Variants in LEO1 observed in about 807,000 individuals in gnomAD.
LEO1 encodes the protein LEO1 component of Paf1/RNA polymerase II complex.
Under a neutral mutation model 80.4 loss-of-function variants are expected in LEO1, and 34 were observed. That is an observed-to-expected ratio of 0.42 (90% CI 0.32 to 0.56). The LOEUF (loss-of-function observed/expected upper bound fraction) is 0.56, where lower values mean the gene tolerates loss of function less well. Ranked by LOEUF, LEO1 falls within the 20% of genes least tolerant of loss-of-function variation. LEO1 has a pLI of 0.10. For missense variants in LEO1, 631 were observed against 814.2 expected, an observed-to-expected ratio of 0.77 and a Z score of 2.74; for synonymous variants, 262 against 274.9, an observed-to-expected ratio of 0.95 and a Z score of 0.46.
intron 11 of LEO1, among the ~76,000 whole-genome samples, chr15:51,942,698 G>A (rs1040694751): frequency 6.6e-6 from 1 of 151,980 alleles, no homozygotes; most frequent in Non-Finnish European, 1.5e-5. Flanking sequence ...GAGGTGGGTG[G>A]ATCACCTGAT....
In LEO1 at chr15:51,971,774, T is replaced by C. The variant is rs759053288; in HGVS notation, c.-29A>G. The C allele has an allele frequency of 7.6e-5, 122 of 1,610,682 alleles. No individual in the cohort carries two copies. The highest frequency in any genetic ancestry group is 1.0e-4 in the Non-Finnish European group (120 of 1,177,010). Reference sequence around the variant, plus strand: ...CGCTCACGTCCGCTGCTGCCTCGGTTAGGGGCAGCTCCCGGCCTCTCTTTA... The same window carrying C: ...CGCTCACGTCCGCTGCTGCCTCGGTCAGGGGCAGCTCCCGGCCTCTCTTTA... On this transcript the variant is annotated 5_prime_UTR_variant, in exon 1 of 12. Transcript: ENST00000299601.
At chr15:51,964,937 C>G (rs1481097570) in intron 2 of LEO1, among the ~76,000 whole-genome samples, 1 of 152,126 alleles carries the variant, frequency 6.6e-6, no homozygotes, top group African/African-American at 2.4e-5. Context: ...GGTCCAGGAA[C>G]CAAAGTTCAG....
At chr15:51,941,030 G>A (rs1268128255) in intron 11 of LEO1, among the ~76,000 whole-genome samples, 3 of 151,722 alleles carry the variant, frequency 2.0e-5, no homozygotes, top group African/African-American at 7.3e-5. Context: ...CTGAGATCGC[G>A]GCGCTGCACT....
intron 11 of LEO1, among the ~76,000 whole-genome samples, chr15:51,938,958 G>A (rs1215327234): frequency 6.6e-6 from 1 of 152,206 alleles, no homozygotes; most frequent in Non-Finnish European, 1.5e-5. Flanking sequence ...GCCAAAGGGG[G>A]TGGATCACCT....
intron 6 of LEO1, among the ~76,000 whole-genome samples, chr15:51,957,979 C>T (rs896139101): frequency 3.9e-5 from 6 of 152,124 alleles, no homozygotes; most frequent in Middle Eastern, 3.4e-3. Context: ...TGAGATCATG[C>T]CACTGCCCTC....
At chr15:51,947,423 T>C (rs2056911622) in intron 10 of LEO1, 34 bp from the exon 11 acceptor site, 1 of 1,467,310 alleles carries the variant, frequency 6.8e-7, no homozygotes, top group Non-Finnish European at 9.4e-7. Flanking sequence ...GAGTCACCTT[T>C]TTTTTTTTCT....
At chr15:51,967,543 G>T (rs1403859772) in intron 1 of LEO1, among the ~76,000 whole-genome samples, 2 of 152,172 alleles carry the variant, frequency 1.3e-5, no homozygotes, top group Non-Finnish European at 2.9e-5. Context: ...CATCCAACAA[G>T]TTCAACAAAT....
At chr15:51,939,846 G>A (rs1240921739) in intron 11 of LEO1, among the ~76,000 whole-genome samples, 3 of 152,174 alleles carry the variant, frequency 2.0e-5, no homozygotes, top group Admixed American at 2.0e-4. Flanking sequence ...CTGTCCTAAA[G>A]GCCCCTGGAC....
At chr15:51,961,444 C>A (rs1251086654) in intron 3 of LEO1, among the ~76,000 whole-genome samples, 1 of 151,966 alleles carries the variant, frequency 6.6e-6, no homozygotes, top group Non-Finnish European at 1.5e-5. Flanking sequence ...TCAGGCTGGA[C>A]TGCAGTGGTG....
intron 6 of LEO1, among the ~76,000 whole-genome samples, chr15:51,958,514 C>T (rs2570272): frequency 0.033 from 5,051 of 152,182 alleles, 273 homozygotes; most frequent in African/African-American, 0.12. Context: ...AGATTAGAGG[C>T]CCTCCTTTGA....
In LEO1 at chr15:51,947,409, T is replaced by G. The variant is rs761893151; in HGVS notation, c.1799-20A>C. On this transcript the variant is annotated intron_variant, in intron 10 of 11. Coordinates refer to ENST00000299601, the MANE Select transcript of LEO1 (RefSeq NM_138792.4). The stretch of plus-strand genomic sequence containing the variant: ...GTTCCTCTGAAAGCAAAAGTACAGA[T>G]TGTGAGTCACCTTTTTTTTTTTCTG... The G allele has an allele frequency of 6.4e-7, 1 of 1,552,056 alleles. No homozygotes were observed. Among genetic ancestry groups the G allele is most frequent in the Admixed American group, 1.8e-5 (1 of 56,302 alleles).
chr15:51,962,400 T>C lies in LEO1; in HGVS notation c.908A>G (p.Glu303Gly), dbSNP rs1206093628. ...AATAATAGGGATACCTTTTGGCACCTCAGTGTCACTATCCGCTTCTGAATC... is the reference window on the plus strand; with the variant it reads ...AATAATAGGGATACCTTTTGGCACCCCAGTGTCACTATCCGCTTCTGAATC... ...ASDSEADSDT[E>G]VPKDNSGTMD... Residue 303 changes from glutamate to glycine, a missense_variant, in exon 3 of 12, where the codon GAG becomes GGG. Physicochemically the swap from Glu to Gly is moderately conservative, Grantham distance 98 (BLOSUM62 -2). Around this residue, in one of 4 missense-constraint regions of LEO1, gnomAD observed 394 missense variants for 395.6 expected, o/e 1.00. Coordinates refer to ENST00000299601, the MANE Select transcript of LEO1 (RefSeq NM_138792.4). 3.1e-6 allele frequency: 5 copies of C among 1,609,214 alleles called. No homozygotes were observed. In the African/African-American group the frequency reaches 6.7e-5, roughly 22 times the overall value.
At chr15:51,960,611 A>T in intron 4 of LEO1, 28 bp downstream of exon 4, 5 of 1,295,850 alleles carry the variant, frequency 3.9e-6, no homozygotes, top group Non-Finnish European at 5.6e-6. Context: ...CCTGGCCTTG[A>T]ATAAGTTCAT....
rs1407764524 is a variant in LEO1, at chr15:51,966,445, C to A, written c.118G>T (p.Ala40Ser). Reference sequence around the variant, plus strand: ...TCCTGATCACTTTCACTTCCAGAGGCATTACTGCCAGAGGCAGCATTCTCT... The same window carrying A: ...TCCTGATCACTTTCACTTCCAGAGGAATTACTGCCAGAGGCAGCATTCTCT... ...DQENAASGSNASGSESDQDER... is the reference protein window; with the variant it reads ...DQENAASGSNSSGSESDQDER... Residue 40 changes from alanine (A) to serine (S), a missense_variant, in exon 2 of 12, where the codon GCC becomes TCC. Around this residue, in one of 4 missense-constraint regions of LEO1, gnomAD observed 394 missense variants for 395.6 expected, o/e 1.00. Coordinates refer to ENST00000299601, the MANE Select transcript of LEO1 (RefSeq NM_138792.4). 3 of 1,613,750 alleles carry A rather than the reference C, an allele frequency of 1.9e-6. No homozygotes were observed. Among genetic ancestry groups the A allele is most frequent in the South Asian group, 1.1e-5 (1 of 91,012 alleles).
At chr15:51,967,822 T>C (rs1462625599) in intron 1 of LEO1, among the ~76,000 whole-genome samples, 1 of 152,218 alleles carries the variant, frequency 6.6e-6, no homozygotes, top group East Asian at 1.9e-4. Context: ...TAAGACGATA[T>C]GGAAGACAAA....
chr15:51,945,215 G>A (rs575512889), intron 11 of LEO1, among the ~76,000 whole-genome samples: 2 of 146,206 alleles, frequency 1.4e-5, no homozygotes, highest in Admixed American at 7.1e-5. Context: ...CCATGAATTC[G>A]GGACCAGCCT....
chr15:51,940,497 G>C (rs2056841535), intron 11 of LEO1, among the ~76,000 whole-genome samples: 1 of 151,508 alleles, frequency 6.6e-6, no homozygotes, highest in Non-Finnish European at 1.5e-5. Flanking sequence ...GGAGATGGAG[G>C]TTGCAGTGAG....
At position 51,944,085 on chromosome 15, in the gene LEO1, A is replaced by C. The variant is rs143844691; in HGVS notation, c.1896+3207T>G. 1.4e-3 allele frequency among the ~76,000 whole-genome samples: 214 copies of C among 152,348 alleles called. 11 individuals are homozygous for C. Among genetic ancestry groups the C allele is most frequent in the East Asian group, 9.5e-3 (49 of 5,184 alleles). On this transcript the variant is annotated intron_variant, in intron 11 of 11. Coordinates refer to ENST00000299601, the MANE Select transcript of LEO1 (RefSeq NM_138792.4). ...GAAAACTTCCCAGATTTGTTGAAAAACATTACCCTACACATCCAAGAAACT... is the reference window on the plus strand; with the variant it reads ...GAAAACTTCCCAGATTTGTTGAAAACCATTACCCTACACATCCAAGAAACT...
Position 51,966,515 on chromosome 15 carries a change from A to G in LEO1, c.59-11T>C. The G allele has an allele frequency of 6.8e-7, 1 of 1,475,274 alleles. No homozygotes were observed. Among genetic ancestry groups the G allele is most frequent in the Non-Finnish European group, 9.4e-7 (1 of 1,064,226 alleles). 91.4% of individuals were successfully genotyped at this position (1,475,274 alleles called of 1,614,324 possible). Reference sequence around the variant, plus strand: ...ATCCAGAATCAGAATCTATGGGGTCATATAAACATAGGATAACATAAGCAA... The same window carrying G: ...ATCCAGAATCAGAATCTATGGGGTCGTATAAACATAGGATAACATAAGCAA... On this transcript the variant is annotated splice_polypyrimidine_tract_variant and intron_variant, in intron 1 of 11. Transcript: ENST00000299601.
Sources: gnomAD v4.1 joint callset for allele counts (sites outside exome capture counted in the v4.1 genomes callset) on GRCh38, gnomAD v4.1.1 for gene constraint, gnomAD v4.1.1 regional missense constraint, MANE v1.5 for transcripts, NCBI Gene and HGNC (gene_info 2026-07-23, HGNC 2026-07-21) for gene names.